Variants in LRPPRC observed in about 807,000 individuals in gnomAD.
LRPPRC encodes leucine-rich PPR motif-containing protein, mitochondrial.
Under a neutral mutation model 180.3 loss-of-function variants are expected in LRPPRC, and 120 were observed. The observed-to-expected ratio is 0.67, with a 90% confidence interval of 0.57 to 0.77. LRPPRC has a LOEUF of 0.77. Among genes scored for constraint, LRPPRC ranks in the 30% least tolerant of loss-of-function variants. The pLI, the probability that LRPPRC is intolerant of heterozygous loss-of-function variation, is 0.00. For missense variants in LRPPRC, 2,012 were observed against 1,657.2 expected, an observed-to-expected ratio of 1.21 and a Z score of -3.72; for synonymous variants, 723 against 600.0, an observed-to-expected ratio of 1.21 and a Z score of -3.00.
chr2:43,892,730 AC>A (rs1670535741), intron 36 of LRPPRC: 1 of 152,166 alleles, frequency 6.6e-6, no homozygotes, highest in Admixed American at 6.5e-5. Context: ...TTGGAATGAT[AC>A]AGAGAAGATT....
chr2:43,902,937 T>A (rs943505965), intron 31 of LRPPRC: 4 of 152,204 alleles, frequency 2.6e-5, no homozygotes, highest in Non-Finnish European at 5.9e-5. Flanking sequence ...ACAGCTACTG[T>A]CACAACTACC....
chr2:43,952,174 C>A (rs992060386), intron 14 of LRPPRC, among the ~76,000 whole-genome samples: 10 of 150,580 alleles, frequency 6.6e-5, no homozygotes, highest in Admixed American at 5.9e-4. Flanking sequence ...GCCTGGGCAA[C>A]AAGAGCGAAA....
At chr2:43,985,918 C>T (rs1025181899) in intron 1 of LRPPRC, among the ~76,000 whole-genome samples, 1 of 152,166 alleles carries the variant, frequency 6.6e-6, no homozygotes, top group Non-Finnish European at 1.5e-5. Context: ...TACCATTTTG[C>T]TTTCCTACTA....
chr2:43,931,962 G>C (rs910184806), intron 25 of LRPPRC, among the ~76,000 whole-genome samples: 1 of 151,320 alleles, frequency 6.6e-6, no homozygotes, highest in Admixed American at 6.6e-5. Context: ...TTTAAAAAGA[G>C]AATCTACAGA....
intron 12 of LRPPRC, among the ~76,000 whole-genome samples, chr2:43,962,622 G>A (rs1488310861): frequency 6.6e-6 from 1 of 152,120 alleles, no homozygotes; most frequent in African/African-American, 2.4e-5. Flanking sequence ...CCAATGCACT[G>A]TCCCAATCAA....
At chr2:43,914,056 G>A (rs1017976717) in intron 29 of LRPPRC, among the ~76,000 whole-genome samples, 1 of 152,152 alleles carries the variant, frequency 6.6e-6, no homozygotes, top group African/African-American at 2.4e-5. Context: ...TAAGATGACT[G>A]CAATAAAATC....
chr2:43,982,147 A>G (rs1175248993), intron 2 of LRPPRC, 91 bp downstream of exon 2: 28 of 849,932 alleles, frequency 3.3e-5, no homozygotes, highest in Middle Eastern at 2.9e-4. Context: ...GCCTCAAGCG[A>G]TCTACCTGCC....
intron 11 of LRPPRC, among the ~76,000 whole-genome samples, chr2:43,967,831 C>T (rs760077821): frequency 5.3e-5 from 8 of 152,162 alleles, no homozygotes; most frequent in Non-Finnish European, 1.0e-4. Flanking sequence ...TAAACTATTC[C>T]TCTAATAATT....
At chr2:43,933,547 T>C (rs1298629346) in intron 25 of LRPPRC, among the ~76,000 whole-genome samples, 2 of 152,222 alleles carry the variant, frequency 1.3e-5, no homozygotes, top group Non-Finnish European at 2.9e-5. Flanking sequence ...AATTGTTTAA[T>C]AGTGAAATTA....
rs1673932286 is a variant in LRPPRC at position 43,973,906 on chromosome 2, G to A, written c.1156-6C>T. On this transcript the variant is annotated splice_region_variant and splice_polypyrimidine_tract_variant and intron_variant, in intron 9 of 37. Coordinates refer to ENST00000260665, the MANE Select transcript of LRPPRC (RefSeq NM_133259.4). ...TCTGTTAGCTTCTCCACAGGCTGTG[G>A]GAAAAAAGTCACCACATTAGCTGGA... 6.4e-7 allele frequency: 1 copy of A among 1,551,440 alleles called. No individual in the cohort carries two copies. The highest frequency in any genetic ancestry group is 2.2e-5 in the East Asian group (1 of 44,538).
Position 43,974,161 on chromosome 2 carries a change from T to G in LRPPRC, c.1144A>C (p.Thr382Pro). The G allele has an allele frequency of 6.2e-7, 1 of 1,613,720 alleles. No homozygotes were observed. The highest frequency in any genetic ancestry group is 8.5e-7 in the Non-Finnish European group (1 of 1,179,592). The change falls in exon 9 of 38, where the codon ACT (threonine) becomes CCT (proline). Residue 382 changes from threonine (T) to proline (P), a missense_variant. Coordinates refer to ENST00000260665, the MANE Select transcript of LRPPRC (RefSeq NM_133259.4). ...FGSFFLQHCV[T>P]MNTPVEKLTD... is the part of the protein sequence containing the mutation. ...AGTGGACAGAATACCGTATTCATAG[T>G]CACACAGTGTTGTAAAAAGAAACTG...
intron 25 of LRPPRC, among the ~76,000 whole-genome samples, chr2:43,927,284 A>C (rs1420729243): frequency 6.6e-6 from 1 of 152,178 alleles, no homozygotes; most frequent in Non-Finnish European, 1.5e-5. Context: ...CATTATTTTT[A>C]ATTTTAAAAA....
rs1399482053 is a variant in LRPPRC, at chr2:43,958,869, C to T, written c.1583-1418G>A. 3.1e-5 allele frequency: 7 copies of T among 227,308 alleles called. No homozygotes were observed. The East Asian group carries it at 5.6e-4, about 18-fold the overall frequency. 14.1% of individuals were successfully genotyped at this position (227,308 alleles called of 1,614,324 possible). ...TGTAAATCAAAGCTGGAGGGGAAGG[C>T]ACTGACAGGAAAAGCTCAAATACTT... is the stretch of plus-strand genomic sequence containing the variant. On this transcript the variant is annotated intron_variant, in intron 13 of 37. Transcript: ENST00000260665.
At chr2:43,897,511 A>C (rs369921822) in intron 34 of LRPPRC, among the ~76,000 whole-genome samples, 61 of 152,284 alleles carry the variant, frequency 4.0e-4, no homozygotes, top group African/African-American at 1.2e-3. Context: ...TACATTACGC[A>C]CTGATGTTTT....
chr2:43,977,039 C>G lies in LRPPRC; in HGVS notation c.605G>C (p.Arg202Thr). The change falls in exon 5 of 38, where the codon AGA becomes ACA. Residue 202 changes from arginine to threonine, a missense_variant. By Grantham distance (71) the Arg-to-Thr change is moderately conservative (BLOSUM62 -1). Coordinates refer to ENST00000260665, the MANE Select transcript of LRPPRC (RefSeq NM_133259.4). ...TACATTACAATAAGAAGCAATCAATCTCTGGTATGTCACCTGTCAATGAAA... is the reference window on the plus strand; with the variant it reads ...TACATTACAATAAGAAGCAATCAATGTCTGGTATGTCACCTGTCAATGAAA... ...NIQPNRVTYQ[R>T]LIASYCNVGD... 6.2e-7 allele frequency: 1 copy of G among 1,613,388 alleles called. No individual in the cohort carries two copies. The highest frequency in any genetic ancestry group is 1.3e-5 in the African/African-American group (1 of 75,006).
chr2:43,934,876 C>T lies in LRPPRC; in HGVS notation c.2507G>A (p.Gly836Asp). 1 of 1,612,686 alleles carries T rather than the reference C, an allele frequency of 6.2e-7. No individual in the cohort carries two copies. Among genetic ancestry groups the T allele is most frequent in the Non-Finnish European group, 8.5e-7 (1 of 1,179,138 alleles). The part of the protein sequence containing the change: ...FPLVTVHLEK[G>D]DLSTALEVAI... ...GACCTCAAGAGCAGTAGATAGGTCG[C>T]CCCTTAGAAACAAAAAAATTAGCAA... Residue 836 changes from glycine to aspartate, a missense_variant and splice_region_variant, in exon 24 of 38, where the codon GGC becomes GAC. Gly to Asp is a moderately conservative substitution (Grantham distance 94). Coordinates refer to ENST00000260665, the MANE Select transcript of LRPPRC (RefSeq NM_133259.4).
intron 25 of LRPPRC, 145 bp downstream of exon 25, chr2:43,934,045 G>A (rs145605904): frequency 1.7e-4 from 103 of 611,828 alleles, no homozygotes; most frequent in African/African-American, 4.1e-4. Flanking sequence ...GAAGCTGGCC[G>A]AGATCCCCCT....
At chr2:43,940,108 C>A (rs768821855) in intron 23 of LRPPRC, among the ~76,000 whole-genome samples, 1 of 152,150 alleles carries the variant, frequency 6.6e-6, no homozygotes, top group Non-Finnish European at 1.5e-5. Context: ...TGATCCTTGA[C>A]GAAAAATCAT....
Position 43,975,074 on chromosome 2 carries a change from T to C in LRPPRC, c.864+17A>G, listed in dbSNP as rs1673991062. 1 of 1,610,624 alleles carries C rather than the reference T, an allele frequency of 6.2e-7. No individual in the cohort carries two copies. Among genetic ancestry groups the C allele is most frequent in the African/African-American group, 1.3e-5 (1 of 74,922 alleles). On this transcript the variant is annotated intron_variant, in intron 7 of 37. Coordinates refer to ENST00000260665, the MANE Select transcript of LRPPRC (RefSeq NM_133259.4). ...ACAAATGATTTTAAAGTATGTTTAT[T>C]TAGACATAAGTCATACCTGCTTAAC...
Sources: allele counts gnomAD v4.1 joint callset (sites outside exome capture counted in the v4.1 genomes callset), GRCh38; gene constraint gnomAD v4.1.1; transcripts MANE v1.5; gene names NCBI Gene and HGNC (gene_info 2026-07-23, HGNC 2026-07-21).